Variants in PRELID2 observed in about 807,000 individuals in gnomAD.
PRELID2 encodes the protein PRELI domain-containing protein 2.
A neutral mutation model predicts 28.4 loss-of-function variants in PRELID2; 25 were observed. That is an observed-to-expected ratio of 0.88 (90% CI 0.64 to 1.23). The LOEUF (loss-of-function observed/expected upper bound fraction) is 1.23. Ranked by LOEUF, PRELID2 falls within the 50% of genes most tolerant of loss-of-function variation. The probability of loss-of-function intolerance (pLI) is 0.00; values close to 1 mark genes in which losing one functional copy is unlikely to be tolerated. For missense variants in PRELID2, 201 were observed against 214.4 expected, an observed-to-expected ratio of 0.94 and a Z score of 0.39; for synonymous variants, 76 against 71.6, an observed-to-expected ratio of 1.06 and a Z score of -0.31.
At chr5:145,489,153 C>A (rs1229950512) in intron 1 of PRELID2, among the ~76,000 whole-genome samples, 1 of 152,148 alleles carries the variant, frequency 6.6e-6, no homozygotes, top group Non-Finnish European at 1.5e-5. Context: ...AAGCCTGGCT[C>A]GCCAGCCATC....
chr5:145,822,700 T>C (rs571763681), intron 2 of PRELID2, among the ~76,000 whole-genome samples: 20 of 152,334 alleles, frequency 1.3e-4, no homozygotes, highest in Non-Finnish European at 2.6e-4. Flanking sequence ...ATTAAATGAG[T>C]AGTCTAACAC....
the PRELID2 span, among the ~76,000 whole-genome samples, chr5:145,270,938 G>A: frequency 6.6e-6 from 1 of 152,050 alleles, no homozygotes; most frequent in African/African-American, 2.4e-5. Flanking sequence ...CCCATGGCTG[G>A]GGGAGGCCTC....
At position 145,741,676 on chromosome 5, in the gene PRELID2, T is replaced by A. The variant is rs1160480949; in HGVS notation, n.70+23255A>T. On this transcript the variant is annotated intron_variant and non_coding_transcript_variant, in intron 1 of 2. Coordinates refer to the PRELID2 transcript ENST00000510259. ...AATAATTTATTTATATATAAATAATTTATAAATAATTTATTTATATATAAA... is the reference window on the plus strand; with the variant it reads ...AATAATTTATTTATATATAAATAATATATAAATAATTTATTTATATATAAA... Among the ~76,000 whole-genome samples the A allele has an allele frequency of 3.1e-3, 55 of 17,718 alleles. 2 individuals are homozygous for A. The highest frequency in any genetic ancestry group is 0.013 in the African/African-American group (53 of 3,946). 11.6% of individuals were successfully genotyped at this position (17,718 alleles called of 152,430 possible).
At chr5:145,830,505 T>C (rs1249157726) in intron 1 of PRELID2, among the ~76,000 whole-genome samples, 2 of 152,256 alleles carry the variant, frequency 1.3e-5, no homozygotes, top group East Asian at 3.8e-4. Flanking sequence ...TACATTCATC[T>C]ATGCAACTTT....
At chr5:145,415,668 T>C in the PRELID2 span, among the ~76,000 whole-genome samples, 5 of 150,904 alleles carry the variant, frequency 3.3e-5, no homozygotes, top group Non-Finnish European at 7.4e-5. Flanking sequence ...ATTTTCTTAA[T>C]CCAGTCTATC....
chr5:145,822,869 T>C (rs1390257886), intron 2 of PRELID2, among the ~76,000 whole-genome samples: 1 of 152,146 alleles, frequency 6.6e-6, no homozygotes, highest in Non-Finnish European at 1.5e-5. Context: ...CCTTTTACTA[T>C]CACAAATCCT....
At chr5:145,681,141 G>T (rs1167085275) in intron 1 of PRELID2, among the ~76,000 whole-genome samples, 2 of 152,182 alleles carry the variant, frequency 1.3e-5, no homozygotes, top group African/African-American at 2.4e-5. Context: ...AATGATCCTT[G>T]AAAAATGCTA....
At chr5:145,430,062 G>A in the PRELID2 span, 106,081 of 152,046 alleles carry the variant, frequency 0.7, 37,385 homozygotes, top group Admixed American at 0.72. Flanking sequence ...TAGTCTCATG[G>A]GAAATAGTAG....
chr5:145,308,772 G>T, the PRELID2 span, among the ~76,000 whole-genome samples: 1 of 152,128 alleles, frequency 6.6e-6, no homozygotes, highest in Non-Finnish European at 1.5e-5. Context: ...TGGCAACAAA[G>T]AATTCAAATA....
At chr5:145,742,158 T>C (rs1331947822) in intron 1 of PRELID2, among the ~76,000 whole-genome samples, 1 of 118,228 alleles carries the variant, frequency 8.5e-6, no homozygotes, top group African/African-American at 3.2e-5. Flanking sequence ...TTATTTATTA[T>C]AAATTTATTT....
chr5:145,760,618 G>A (rs1442946151), intron 6 of PRELID2, 93 bp from the exon 7 acceptor site: 2 of 152,194 alleles, frequency 1.3e-5, no homozygotes, highest in Non-Finnish European at 2.9e-5. Context: ...ACTCTTCAGA[G>A]TCCACTTGAA....
At chr5:145,642,590 C>T (rs868590578) in intron 1 of PRELID2, among the ~76,000 whole-genome samples, 1 of 152,236 alleles carries the variant, frequency 6.6e-6, no homozygotes, top group Middle Eastern at 3.4e-3. Flanking sequence ...AGTCTTTGCC[C>T]ATGCCTATGT....
the PRELID2 span, among the ~76,000 whole-genome samples, chr5:145,406,560 G>A: frequency 6.6e-6 from 1 of 152,298 alleles, no homozygotes; most frequent in Non-Finnish European, 1.5e-5. Context: ...TGAGGAAAAT[G>A]GCAGATTGGA....
At chr5:145,595,161 G>GACACACACAC (rs3038287) in intron 1 of PRELID2, among the ~76,000 whole-genome samples, 48 of 131,248 alleles carry the variant, frequency 3.7e-4, no homozygotes, top group South Asian at 1.0e-3. Flanking sequence ...AGTCATAATA[G>GACACACACAC]ACACACACAC....
intron 1 of PRELID2, among the ~76,000 whole-genome samples, chr5:145,750,816 G>A (rs374152514): frequency 6.6e-6 from 1 of 152,198 alleles, no homozygotes; most frequent in Non-Finnish European, 1.5e-5. Context: ...AGCAGAACCA[G>A]CTGCACCAAT....
At chr5:145,555,320 A>T (rs1752871930) in intron 1 of PRELID2, among the ~76,000 whole-genome samples, 4 of 152,224 alleles carry the variant, frequency 2.6e-5, no homozygotes, top group Admixed American at 2.6e-4. Context: ...TTTTTAAAAA[A>T]TGTCACAGGA....
At chr5:145,426,837 GA>G in the PRELID2 span, among the ~76,000 whole-genome samples, 1 of 152,160 alleles carries the variant, frequency 6.6e-6, no homozygotes, top group African/African-American at 2.4e-5. Flanking sequence ...AAAAGAATAA[GA>G]GGGAAGAAAA....
At chr5:145,270,091 G>A in the PRELID2 span, among the ~76,000 whole-genome samples, 3 of 151,674 alleles carry the variant, frequency 2.0e-5, no homozygotes, top group Non-Finnish European at 4.4e-5. Flanking sequence ...AACATTAAAT[G>A]TTGATAAGGA....
At chr5:145,486,493 CCAAT>C (rs1752218787) in intron 1 of PRELID2, among the ~76,000 whole-genome samples, 1 of 152,150 alleles carries the variant, frequency 6.6e-6, no homozygotes, top group African/African-American at 2.4e-5. Flanking sequence ...ACTCTTCCTG[CCAAT>C]CACAATTCTG....
Sources: gnomAD v4.1 joint callset for allele counts (sites outside exome capture counted in the v4.1 genomes callset) on GRCh38, gnomAD v4.1.1 for gene constraint, MANE v1.5 for transcripts, NCBI Gene and HGNC (gene_info 2026-07-23, HGNC 2026-07-21) for gene names.